Variants in GALNT10 observed in about 807,000 individuals in gnomAD.
The protein encoded by GALNT10 is polypeptide N-acetylgalactosaminyltransferase 10, also known as GalNAc transferase 10.
In GALNT10, 41 loss-of-function variants were observed where a neutral mutation model predicts 75.0. The observed-to-expected ratio is 0.55, with a 90% CI of 0.43 to 0.71. GALNT10 has a LOEUF of 0.71. Among genes scored for constraint, GALNT10 ranks in the 30% least tolerant of loss-of-function variants. The pLI is 0.00. For synonymous variants in GALNT10, 302 were observed against 313.0 expected (o/e 0.96, Z 0.37); for missense variants, 727 against 818.5 (o/e 0.89, Z 1.36).
intron 3 of GALNT10, among the ~76,000 whole-genome samples, chr5:154,317,548 G>A (rs781200710): frequency 2.6e-5 from 4 of 152,042 alleles, no homozygotes; most frequent in Admixed American, 6.6e-5. Flanking sequence ...TCTCCTGGTC[G>A]GTGAACAAGC....
rs182423836 is a variant in GALNT10, at chr5:154,214,569, C to T, written c.159+23544C>T. On this transcript the variant is annotated intron_variant, in intron 1 of 11. Coordinates refer to ENST00000297107, the MANE Select transcript of GALNT10 (RefSeq NM_198321.4). ...AAAAAGGGACTAATTTTTTTCTTTT[C>T]AAAATTGGTTCAGATATGCATGAAC... Among the ~76,000 whole-genome samples, 129 of 151,926 alleles carry T rather than the reference C, an allele frequency of 8.5e-4. 1 individual carries two copies. The highest frequency in any genetic ancestry group is 2.9e-3 in the African/African-American group (121 of 41,472).
chr5:154,240,541 A>T (rs1393937043), intron 1 of GALNT10, among the ~76,000 whole-genome samples: 1 of 152,198 alleles, frequency 6.6e-6, no homozygotes, highest in East Asian at 1.9e-4. Context: ...ATCATTTCTG[A>T]TAGTTTTCTG....
intron 1 of GALNT10, among the ~76,000 whole-genome samples, chr5:154,216,640 A>G (rs1018188481): frequency 5.9e-5 from 9 of 152,222 alleles, no homozygotes; most frequent in African/African-American, 2.2e-4. Context: ...TGCACCTCCA[A>G]GTCTTACCAA....
Position 154,420,234 on chromosome 5 carries a change from T to C in GALNT10, c.*3262T>C, listed in dbSNP as rs1263718081. 2 of 152,246 alleles carry C rather than the reference T, an allele frequency of 1.3e-5. No homozygotes were observed. The highest frequency in any genetic ancestry group is 3.8e-4 in the East Asian group (2 of 5,202). The allele number at this position is 152,246 out of a possible 1,614,324, so 9.4% of individuals were successfully genotyped here. A position where few individuals can be genotyped will look rare whatever the true frequency, so the allele number is the denominator to read the frequency against. On this transcript the variant is annotated 3_prime_UTR_variant, in exon 12 of 12. Transcript: ENST00000297107. ...ATTCGGTCCAGGAGAGAAAGAGCAG[T>C]TTCTGTTAAAGATGTAACAAATGGA...
intron 1 of GALNT10, among the ~76,000 whole-genome samples, chr5:154,226,985 A>T (rs11951806): frequency 0.032 from 4,835 of 150,150 alleles, 218 homozygotes; most frequent in African/African-American, 0.11. Context: ...AGTGACCATG[A>T]TTATTTTGAG....
chr5:154,254,830 A>G (rs1753582578), intron 1 of GALNT10, among the ~76,000 whole-genome samples: 1 of 152,158 alleles, frequency 6.6e-6, no homozygotes, highest in African/African-American at 2.4e-5. Context: ...ATATTAAGAC[A>G]ACAAGAAGTT....
At chr5:154,334,202 A>G (rs7732085) in intron 4 of GALNT10, among the ~76,000 whole-genome samples, 96,774 of 152,194 alleles carry the variant, frequency 0.64, 31,651 homozygotes, top group Admixed American at 0.76. Flanking sequence ...TCGAGACCTC[A>G]GGTAGGAGAC....
intron 1 of GALNT10, among the ~76,000 whole-genome samples, chr5:154,284,313 G>C (rs574794050): frequency 2.0e-5 from 3 of 152,322 alleles, no homozygotes; most frequent in African/African-American, 7.2e-5. Context: ...CATTTCTGAT[G>C]CCAAAGCAGA....
Position 154,270,863 on chromosome 5 carries a change from G to A in GALNT10, c.160-23953G>A, listed in dbSNP as rs556142109. Among the ~76,000 whole-genome samples, 212 of 151,944 alleles carry A rather than the reference G, an allele frequency of 1.4e-3. 1 individual carries two copies. Among genetic ancestry groups the A allele is most frequent in the Middle Eastern group, 3.4e-3 (1 of 294 alleles). On this transcript the variant is annotated intron_variant, in intron 1 of 11. Transcript: ENST00000297107. Reference sequence around the variant, plus strand: ...ATAAAAATTAGCTGGGAGTGGTGGCGCACACCTGTAGTCCCAGCTACTCGG... The same window carrying A: ...ATAAAAATTAGCTGGGAGTGGTGGCACACACCTGTAGTCCCAGCTACTCGG...
At chr5:154,261,334 A>AG (rs1360580483) in intron 1 of GALNT10, among the ~76,000 whole-genome samples, 1 of 152,152 alleles carries the variant, frequency 6.6e-6, no homozygotes, top group African/African-American at 2.4e-5. Flanking sequence ...CAGAGCAGGG[A>AG]GGGACCCAGG....
chr5:154,268,367 T>A (rs1753809913), intron 1 of GALNT10, among the ~76,000 whole-genome samples: 1 of 152,166 alleles, frequency 6.6e-6, no homozygotes, highest in Non-Finnish European at 1.5e-5. Flanking sequence ...CTCCCTGGGT[T>A]GGCTAAAGAG....
intron 4 of GALNT10, among the ~76,000 whole-genome samples, chr5:154,373,022 G>A (rs535073346): frequency 6.6e-6 from 1 of 152,336 alleles, no homozygotes; most frequent in Admixed American, 6.5e-5. Context: ...AATCAGGGCA[G>A]CCCCTAGAAT....
At chr5:154,347,735 T>C (rs1755151291) in intron 4 of GALNT10, among the ~76,000 whole-genome samples, 1 of 152,226 alleles carries the variant, frequency 6.6e-6, no homozygotes, top group Non-Finnish European at 1.5e-5. Flanking sequence ...CTTAGCACTT[T>C]GACTTTGAAA....
chr5:154,306,156 C>T (rs1754429740), intron 3 of GALNT10, among the ~76,000 whole-genome samples: 2 of 152,154 alleles, frequency 1.3e-5, no homozygotes, highest in Admixed American at 1.3e-4. Flanking sequence ...TAGACTCTCA[C>T]AGCACTGTCA....
chr5:154,378,344 T>TC (rs1561676411), intron 5 of GALNT10, among the ~76,000 whole-genome samples: 1 of 65,048 alleles, frequency 1.5e-5, no homozygotes, highest in Admixed American at 1.5e-4. Flanking sequence ...TCATCATCAT[T>TC]ATCACGGCTC....
At chr5:154,370,044 A>C (rs1440625825) in intron 4 of GALNT10, among the ~76,000 whole-genome samples, 1 of 152,272 alleles carries the variant, frequency 6.6e-6, no homozygotes, top group East Asian at 1.9e-4. Flanking sequence ...TGATCTGATT[A>C]CACAGAGTAG....
intron 7 of GALNT10, chr5:154,393,062 A>AAAAAAAAAC (rs1554101631): frequency 2.4e-5 from 3 of 127,318 alleles, no homozygotes; most frequent in South Asian, 2.9e-4. Context: ...CTCCACAAAA[A>AAAAAAAAAC]AAAAAAAAAA....
At chr5:154,194,317 T>G (rs2113637699) in intron 1 of GALNT10, among the ~76,000 whole-genome samples, 1 of 152,316 alleles carries the variant, frequency 6.6e-6, no homozygotes, top group Middle Eastern at 3.4e-3. Flanking sequence ...CTTTTTTCAG[T>G]CTTCCTGGTG....
At chr5:154,364,621 C>G (rs914466645) in intron 4 of GALNT10, among the ~76,000 whole-genome samples, 36 of 152,182 alleles carry the variant, frequency 2.4e-4, no homozygotes, top group Admixed American at 2.0e-4. Context: ...CAGGAGAATA[C>G]TTTTGCCCTT....
Sources: gnomAD v4.1 joint callset for allele counts (sites outside exome capture counted in the v4.1 genomes callset) on GRCh38, gnomAD v4.1.1 for gene constraint, MANE v1.5 for transcripts, NCBI Gene and HGNC (gene_info 2026-07-23, HGNC 2026-07-21) for gene names.